The following ANO1 variants were observed in gnomAD, a reference collection of about 807,000 sequenced individuals.
ANO1 encodes the protein anoctamin-1.
In ANO1, 59 loss-of-function variants were observed where a neutral mutation model predicts 124.0. The observed-to-expected ratio is 0.48, with a 90% CI of 0.39 to 0.59. The LOEUF (loss-of-function observed/expected upper bound fraction) is 0.59. Among genes scored for constraint, ANO1 ranks in the 20% least tolerant of loss-of-function variants. The pLI is 0.00. For synonymous variants in ANO1, 529 were observed against 532.0 expected (o/e 0.99, Z 0.08); for missense variants, 1,059 against 1,328.0 (o/e 0.80, Z 3.15).
chr11:70,098,190 G>A (rs974719394), intron 2 of ANO1, among the ~76,000 whole-genome samples: 1 of 152,166 alleles, frequency 6.6e-6, no homozygotes, highest in African/African-American at 2.4e-5. Flanking sequence ...GGGGCCACAC[G>A]GCTCCCCGCA....
chr11:69,988,276 G>A (rs1467908764), intron 1 of ANO1, among the ~76,000 whole-genome samples: 1 of 152,168 alleles, frequency 6.6e-6, no homozygotes, highest in Non-Finnish European at 1.5e-5. Flanking sequence ...CCAGAGAGAG[G>A]AAGCACTTAT....
chr11:70,175,146 A>G (rs1175255450), intron 22 of ANO1, among the ~76,000 whole-genome samples: 2 of 152,212 alleles, frequency 1.3e-5, no homozygotes, highest in Admixed American at 6.5e-5. Flanking sequence ...GCAGCAGCTC[A>G]GTGGCCCTGG....
intron 1 of ANO1, among the ~76,000 whole-genome samples, chr11:70,015,438 A>G (rs984475155): frequency 6.6e-5 from 10 of 152,200 alleles, no homozygotes; most frequent in Non-Finnish European, 1.2e-4. Context: ...GCCTCATCGC[A>G]AGAAGTGTCA....
chr11:70,098,210 G>T (rs118064557), intron 2 of ANO1, among the ~76,000 whole-genome samples: 3,158 of 152,308 alleles, frequency 0.021, 50 homozygotes, highest in Non-Finnish European at 0.035. Context: ...AGGGCTGGGT[G>T]TTCTCCTCCT....
intron 2 of ANO1, among the ~76,000 whole-genome samples, chr11:70,102,236 G>T (rs1264720594): frequency 5.9e-5 from 9 of 152,206 alleles, no homozygotes; most frequent in South Asian, 2.1e-4. Context: ...AAGACTGTAG[G>T]CTGTGGTGAC....
chr11:70,054,415 G>C (rs1857401877), intron 1 of ANO1, among the ~76,000 whole-genome samples: 1 of 152,256 alleles, frequency 6.6e-6, no homozygotes, highest in South Asian at 2.1e-4. Context: ...TCCTCACAGT[G>C]CAGGACGGTG....
the ANO1 span, among the ~76,000 whole-genome samples, chr11:69,978,691 C>A: frequency 6.6e-6 from 1 of 152,224 alleles, no homozygotes; most frequent in East Asian, 1.9e-4. Context: ...AACTAATCTC[C>A]ATGTGAGGTG....
At chr11:70,039,739 G>A (rs183985533) in intron 1 of ANO1, among the ~76,000 whole-genome samples, 7 of 152,250 alleles carry the variant, frequency 4.6e-5, no homozygotes, top group South Asian at 2.1e-4. Flanking sequence ...GAGCATGATC[G>A]CTGTCATTTC....
intron 24 of ANO1, among the ~76,000 whole-genome samples, chr11:70,183,181 G>A (rs1323346106): frequency 6.6e-6 from 1 of 152,188 alleles, no homozygotes; most frequent in Admixed American, 6.5e-5. Context: ...AAGAAGCCCA[G>A]GATAGCTTCA....
At chr11:70,036,831 TCTC>T (rs1209098950) in intron 1 of ANO1, among the ~76,000 whole-genome samples, 8 of 152,138 alleles carry the variant, frequency 5.3e-5, no homozygotes, top group African/African-American at 1.9e-4. Flanking sequence ...ATGGTCTCAA[TCTC>T]CTGACCTCGT....
chr11:69,978,912 C>T, the ANO1 span, among the ~76,000 whole-genome samples: 8 of 152,202 alleles, frequency 5.3e-5, no homozygotes, highest in Admixed American at 5.2e-4. Context: ...GTCTTATTGC[C>T]AAGAGTCTTG....
At chr11:70,077,470 G>A (rs905976514), upstream of ANO1, among the ~76,000 whole-genome samples, 4 of 152,162 alleles carry the variant, frequency 2.6e-5, no homozygotes, top group South Asian at 4.1e-4. Flanking sequence ...GAGTATGGTC[G>A]TCCCCTGGGG....
chr11:70,103,513 G>C (rs1288390184), intron 3 of ANO1, among the ~76,000 whole-genome samples: 1 of 152,154 alleles, frequency 6.6e-6, no homozygotes, highest in Non-Finnish European at 1.5e-5. Context: ...CGTGTTTGTG[G>C]CATCTCAGCT....
At chr11:70,084,159 A>G (rs978350098) in intron 1 of ANO1, among the ~76,000 whole-genome samples, 2 of 152,098 alleles carry the variant, frequency 1.3e-5, no homozygotes, top group African/African-American at 4.8e-5. Flanking sequence ...GGACTCAGGC[A>G]GGTGTGCCCT....
the ANO1 span, among the ~76,000 whole-genome samples, chr11:69,976,555 G>A: frequency 0.022 from 1,535 of 69,430 alleles, 111 homozygotes; most frequent in African/African-American, 0.041. Context: ...AAAAAAAAAA[G>A]AGAGAGAGAG....
chr11:69,987,000 A>G (rs1285419954), intron 1 of ANO1, among the ~76,000 whole-genome samples: 2 of 152,116 alleles, frequency 1.3e-5, no homozygotes, highest in Non-Finnish European at 2.9e-5. Flanking sequence ...ATAGCATGGG[A>G]AGCCCTCCTT....
rs1171644269 is a variant in ANO1, at chr11:70,116,460, A to G, written c.858A>G (p.Gly286=). ...TCCCTTTCCTCTTTTTTTAACAGGG[A>G]GACTACAACGGTGAAAACGTCGAGT... ...VYAAAYPLHD[G]DYNGENVEFN... Residue 286 remains glycine (G), a splice_region_variant and synonymous_variant, in exon 8 of 26, where the codon GGA becomes GGG. Transcript: ENST00000355303. 6.3e-7 allele frequency: 1 copy of G among 1,598,670 alleles called. No individual in the cohort carries two copies. The highest frequency in any genetic ancestry group is 1.1e-5 in the South Asian group (1 of 88,124).
chr11:70,121,100 G>A (rs1435462884), intron 8 of ANO1, among the ~76,000 whole-genome samples: 2 of 152,116 alleles, frequency 1.3e-5, no homozygotes, highest in Non-Finnish European at 2.9e-5. Context: ...AAGGTGGTGG[G>A]AGCCACTGAG....
chr11:70,135,763 A>G (rs901552727), intron 11 of ANO1, among the ~76,000 whole-genome samples: 1 of 152,260 alleles, frequency 6.6e-6, no homozygotes, highest in Non-Finnish European at 1.5e-5. Flanking sequence ...AGGAGCCCGG[A>G]TGAAGAAAGA....
Sources: allele counts gnomAD v4.1 joint callset (sites outside exome capture counted in the v4.1 genomes callset), GRCh38; gene constraint gnomAD v4.1.1; transcripts MANE v1.5; gene names NCBI Gene and HGNC (gene_info 2026-07-23, HGNC 2026-07-21).